KMT2C: variants seen among roughly 807,000 people sequenced by gnomAD.
KMT2C encodes the protein lysine methyltransferase 2C.
KMT2C carries 88 observed loss-of-function variants against 507.9 expected under a neutral mutation model. That is an observed-to-expected ratio of 0.17 (90% CI 0.15 to 0.21). The LOEUF (loss-of-function observed/expected upper bound fraction) is 0.21, where lower values mean the gene tolerates loss of function less well. Among genes scored for constraint, KMT2C ranks in the 10% least tolerant of loss-of-function variants. The pLI is 1.00. For missense variants in KMT2C, 4,954 were observed against 5,957.8 expected (o/e 0.83, Z 5.55); for synonymous variants, 2,049 against 2,080.8 (o/e 0.98, Z 0.42).
chr7:152,238,200 T>G (rs76526251), intron 15 of KMT2C, among the ~76,000 whole-genome samples: 2 of 151,718 alleles, frequency 1.3e-5, no homozygotes, highest in African/African-American at 4.8e-5. Flanking sequence ...CTTTTTCAAA[T>G]TAATTTTTTT....
At chr7:152,137,298 G>C (rs925967452) in intron 58 of KMT2C, 3 of 175,362 alleles carry the variant, frequency 1.7e-5, no homozygotes, top group East Asian at 3.2e-4. Flanking sequence ...TTACTGAATG[G>C]GGCATGCAAT....
chr7:152,324,174 G>C (rs2096801916), intron 3 of KMT2C, among the ~76,000 whole-genome samples: 3 of 151,678 alleles, frequency 2.0e-5, no homozygotes, highest in African/African-American at 7.2e-5. Flanking sequence ...TACGAAGGTT[G>C]AGACAGGAGG....
intron 2 of KMT2C, 57 bp downstream of exon 2, chr7:152,358,530 G>T: frequency 9.1e-7 from 1 of 1,100,824 alleles, no homozygotes; most frequent in Non-Finnish European, 1.4e-6. Flanking sequence ...TACATGCAGT[G>T]TACAAACATA....
At chr7:152,356,767 A>G (rs2097155161) in intron 2 of KMT2C, among the ~76,000 whole-genome samples, 1 of 150,610 alleles carries the variant, frequency 6.6e-6, no homozygotes, top group Non-Finnish European at 1.5e-5. Context: ...GCATCCACCT[A>G]TAGTCCCAGA....
At chr7:152,399,922 A>C (rs186467876) in intron 1 of KMT2C, among the ~76,000 whole-genome samples, 52 of 152,262 alleles carry the variant, frequency 3.4e-4, no homozygotes, top group East Asian at 1.5e-3. Flanking sequence ...AGACCAAAAA[A>C]AAACAAACAA....
At chr7:152,424,180 C>T (rs757324954) in intron 1 of KMT2C, among the ~76,000 whole-genome samples, 22 of 151,986 alleles carry the variant, frequency 1.4e-4, no homozygotes, top group Non-Finnish European at 2.6e-4. Flanking sequence ...GTTGCAGGAT[C>T]ATAGCTCACT....
intron 6 of KMT2C, among the ~76,000 whole-genome samples, chr7:152,282,655 C>G (rs570285712): frequency 6.6e-6 from 1 of 151,984 alleles, no homozygotes; most frequent in African/African-American, 2.4e-5. Flanking sequence ...TATGTTGTTA[C>G]TAGATGATAG....
In KMT2C at chr7:152,230,328, A is replaced by C; in HGVS notation, c.2770-7T>G. 1 of 1,303,512 alleles carries C rather than the reference A, an allele frequency of 7.7e-7. No individual in the cohort carries two copies. Among genetic ancestry groups the C allele is most frequent in the Non-Finnish European group, 1.1e-6 (1 of 919,100 alleles). The allele number at this position is 1,303,512 out of a possible 1,614,324, so 80.7% of individuals were successfully genotyped here. On this transcript the variant is annotated splice_polypyrimidine_tract_variant and splice_region_variant and intron_variant, in intron 16 of 58. Coordinates refer to ENST00000262189, the MANE Select transcript of KMT2C (RefSeq NM_170606.3). The stretch of plus-strand genomic sequence containing the variant: ...AAATATCTGCAGTAGACACCTATAA[A>C]AAGCAAAATACACAGAATACGAAGT...
At chr7:152,336,037 G>C (rs2096931966) in intron 2 of KMT2C, among the ~76,000 whole-genome samples, 1 of 151,384 alleles carries the variant, frequency 6.6e-6, no homozygotes, top group Non-Finnish European at 1.5e-5. Flanking sequence ...TATTATTACT[G>C]GCTCTGCCCA....
intron 6 of KMT2C, among the ~76,000 whole-genome samples, chr7:152,309,232 TA>T (rs1312569701): frequency 3.9e-5 from 6 of 152,186 alleles, no homozygotes; most frequent in African/African-American, 1.4e-4. Flanking sequence ...TTTTAATTTC[TA>T]ATTTAAATGT....
intron 55 of KMT2C, among the ~76,000 whole-genome samples, chr7:152,141,085 C>G (rs1052654327): frequency 1.3e-5 from 2 of 150,352 alleles, no homozygotes; most frequent in South Asian, 2.1e-4. Context: ...ACTAAAAATA[C>G]AAAAATTAGC....
rs1046565474 is a variant in KMT2C at position 152,312,038 on chromosome 7, TTTTAA to T, written c.591-97_591-93del. 25 of 976,222 alleles carry T rather than the reference TTTTAA, an allele frequency of 2.6e-5. No homozygotes were observed. The Admixed American group carries it at 5.3e-4, about 21-fold the overall frequency. The allele number at this position is 976,222 out of a possible 1,614,324, so 60.5% of individuals were successfully genotyped here. The stretch of plus-strand genomic sequence containing the variant: ...TAAATGCAATGTACTGCCAAATCAA[TTTTAA>T]TTTATCAGCCATTAACTGTCATAAA... On this transcript the variant is annotated intron_variant, in intron 4 of 58. Transcript: ENST00000262189.
Position 152,136,852 on chromosome 7 carries a change from A to G in KMT2C, c.14716T>C (p.Cys4906Arg). The change falls in exon 59 of 59, where the codon TGC becomes CGC. Residue 4906 changes from cysteine to arginine, a missense_variant. Physicochemically the swap from Cys to Arg is radical, Grantham distance 180. Transcript: ENST00000262189. ...KIPCHCGAVN[C>R]RKWMN ...GCATTTCAGTTCATCCACTTCCGGC[A>G]GTTCACAGCTCCACAGTGACACGGA... is the stretch of plus-strand genomic sequence containing the variant. The G allele has an allele frequency of 6.2e-7, 1 of 1,613,440 alleles. No individual in the cohort carries two copies. The highest frequency in any genetic ancestry group is 8.5e-7 in the Non-Finnish European group (1 of 1,179,664).
chr7:152,262,577 T>A (rs1349105417), intron 9 of KMT2C, among the ~76,000 whole-genome samples: 1 of 152,202 alleles, frequency 6.6e-6, no homozygotes, highest in East Asian at 1.9e-4. Context: ...GGTGATTCAA[T>A]ACACAAATTG....
chr7:152,167,470 C>A, intron 41 of KMT2C, 92 bp from the exon 42 acceptor site: 1 of 777,806 alleles, frequency 1.3e-6, no homozygotes, highest in South Asian at 1.7e-5. Flanking sequence ...AGTAGTTTCA[C>A]CATGACCACA....
chr7:152,223,963 T>G, intron 20 of KMT2C, 52 bp downstream of exon 20: 1 of 1,261,638 alleles, frequency 7.9e-7, no homozygotes, highest in Non-Finnish European at 1.1e-6. Flanking sequence ...TTTTTTTTTT[T>G]GCTACATTTC....
chr7:152,346,600 T>A (rs1325792904), intron 2 of KMT2C, among the ~76,000 whole-genome samples: 1 of 152,168 alleles, frequency 6.6e-6, no homozygotes, highest in African/African-American at 2.4e-5. Context: ...GTTATGGCAT[T>A]TAACACATAT....
intron 1 of KMT2C, chr7:152,367,775 A>C (rs1378016795): frequency 2.0e-6 from 2 of 1,001,300 alleles, no homozygotes; most frequent in Non-Finnish European, 3.2e-6. Flanking sequence ...AGGACTACCT[A>C]AATGCAGAAT....
In KMT2C at chr7:152,164,625, G is replaced by A. The variant is rs75819999; in HGVS notation, c.9751-799C>T. ...TTAAGACAAGATGAATTACCAGCAC[G>A]AATATCACACCCCCCACCCAGATTA... On this transcript the variant is annotated intron_variant, in intron 42 of 58. Coordinates refer to ENST00000262189, the MANE Select transcript of KMT2C (RefSeq NM_170606.3). Among the ~76,000 whole-genome samples, 1,082 of 152,184 alleles carry A rather than the reference G, an allele frequency of 7.1e-3. 3 individuals carry two copies. Among genetic ancestry groups the A allele is most frequent in the Non-Finnish European group, 0.011 (773 of 67,998 alleles).
Sources: allele counts gnomAD v4.1 joint callset (sites outside exome capture counted in the v4.1 genomes callset), GRCh38; gene constraint gnomAD v4.1.1; transcripts MANE v1.5; gene names NCBI Gene and HGNC (gene_info 2026-07-23, HGNC 2026-07-21).